The following PRH1 variants were observed in gnomAD, a reference collection of about 807,000 sequenced individuals.
PRH1 encodes the protein proline rich protein HaeIII subfamily 1, also known as salivary acidic proline-rich phosphoprotein 1/2.
A neutral mutation model predicts 7.9 loss-of-function variants in PRH1; 7 were observed. The observed-to-expected ratio is 0.89, with a 90% CI of 0.50 to 1.67. The LOEUF is 1.67. Ranked by LOEUF, PRH1 falls within the 40% of genes most tolerant of loss-of-function variation. PRH1 has a pLI of 0.00. For missense variants in PRH1, 109 were observed against 223.6 expected (o/e 0.49, Z 3.27); for synonymous variants, 45 against 80.8 (o/e 0.56, Z 2.38).
intron 1 of PRH1, among the ~76,000 whole-genome samples, chr12:11,154,075 A>C (rs1208177055): frequency 2.0e-5 from 3 of 152,234 alleles, no homozygotes; most frequent in Non-Finnish European, 4.4e-5. Context: ...TATAGTATTC[A>C]ACATACTCAA....
upstream of PRH1, among the ~76,000 whole-genome samples, chr12:10,886,264 G>T (rs1204597467): frequency 6.6e-6 from 1 of 152,194 alleles, no homozygotes; most frequent in East Asian, 1.9e-4. Flanking sequence ...TGTCAAAAAG[G>T]AAGGTCAGAG....
At chr12:11,059,029 C>T (rs1275571648) in intron 1 of PRH1, among the ~76,000 whole-genome samples, 1 of 152,202 alleles carries the variant, frequency 6.6e-6, no homozygotes, top group Non-Finnish European at 1.5e-5. Flanking sequence ...TGAGGTCTGA[C>T]TTTCACAACC....
At chr12:10,950,853 GA>G (rs35176868) in intron 2 of PRH1, among the ~76,000 whole-genome samples, 4 of 146,518 alleles carry the variant, frequency 2.7e-5, no homozygotes, top group South Asian at 2.2e-4. Context: ...TACTAGTTTG[GA>G]AAAAAAAAAG....
At chr12:11,027,828 A>G (rs994902618) in intron 1 of PRH1, among the ~76,000 whole-genome samples, 1 of 152,218 alleles carries the variant, frequency 6.6e-6, no homozygotes, top group African/African-American at 2.4e-5. Context: ...GTGTAAGACC[A>G]TTCTCTCTTC....
At chr12:10,921,926 C>T (rs765525180) in intron 2 of PRH1, among the ~76,000 whole-genome samples, 2 of 151,926 alleles carry the variant, frequency 1.3e-5, no homozygotes, top group Non-Finnish European at 2.9e-5. Flanking sequence ...ACCACCATAC[C>T]CGGCTAATTT....
intron 1 of PRH1, among the ~76,000 whole-genome samples, chr12:11,015,699 A>G (rs2136052301): frequency 6.6e-6 from 1 of 152,240 alleles, no homozygotes; most frequent in South Asian, 2.1e-4. Flanking sequence ...CACAGTCTCA[A>G]TCCTTCACTT....
intron 1 of PRH1, among the ~76,000 whole-genome samples, chr12:11,003,039 G>A (rs1276273564): frequency 5.9e-5 from 9 of 151,880 alleles, no homozygotes; most frequent in Admixed American, 5.9e-4. Context: ...CAAGAAAAAA[G>A]TCTATTGCAA....
upstream of PRH1, among the ~76,000 whole-genome samples, chr12:11,051,259 T>C (rs1293899090): frequency 6.6e-6 from 1 of 152,158 alleles, no homozygotes; most frequent in Non-Finnish European, 1.5e-5. Flanking sequence ...CTGAAAAATC[T>C]GGGGTTGGCA....
intron 2 of PRH1, among the ~76,000 whole-genome samples, chr12:10,952,058 A>G (rs1043327468): frequency 6.6e-6 from 1 of 152,216 alleles, no homozygotes; most frequent in Non-Finnish European, 1.5e-5. Flanking sequence ...CTCTTTGGAT[A>G]GTCTTTATGA....
intron 2 of PRH1, among the ~76,000 whole-genome samples, chr12:10,932,045 C>T (rs1487754837): frequency 3.9e-5 from 6 of 152,128 alleles, no homozygotes; most frequent in Non-Finnish European, 8.8e-5. Flanking sequence ...CAGTTTAAAG[C>T]ACATTACGTG....
rs140400917 is a variant in PRH1, at chr12:10,939,044, C to T, written c.-59+34611G>A. 347 of 1,613,742 alleles carry T rather than the reference C, an allele frequency of 2.2e-4. No homozygotes were observed. The highest frequency in any genetic ancestry group is 2.4e-4 in the Non-Finnish European group (285 of 1,179,946). ...GAATATTAACCAAACCAGGCTAATT[C>T]GAGAGATTGCCAAAGCAGTGAGGAT... On this transcript the variant is annotated intron_variant, in intron 2 of 3. Transcript: ENST00000539853.
intron 2 of PRH1, among the ~76,000 whole-genome samples, chr12:10,956,561 C>T (rs1035223273): frequency 1.3e-5 from 2 of 152,088 alleles, no homozygotes; most frequent in Middle Eastern, 3.4e-3. Flanking sequence ...TACTGGAAGT[C>T]CTGGTCAAAG....
intron 1 of PRH1, among the ~76,000 whole-genome samples, chr12:11,040,521 C>T (rs1035562307): frequency 6.6e-6 from 1 of 152,154 alleles, no homozygotes; most frequent in African/African-American, 2.4e-5. Context: ...ACAGTGAGAA[C>T]ACACAGACAC....
At chr12:11,098,530 G>A (rs996453034) in intron 1 of PRH1, among the ~76,000 whole-genome samples, 4 of 152,114 alleles carry the variant, frequency 2.6e-5, no homozygotes, top group Non-Finnish European at 4.4e-5. Flanking sequence ...TTTTCTTTGT[G>A]TAACCTCTCC....
intron 1 of PRH1, among the ~76,000 whole-genome samples, chr12:10,975,155 A>G (rs1939024209): frequency 6.6e-6 from 1 of 152,206 alleles, no homozygotes; most frequent in Non-Finnish European, 1.5e-5. Context: ...AAAAAATGCT[A>G]AAGTCAACTG....
intron 1 of PRH1, among the ~76,000 whole-genome samples, chr12:11,054,379 T>C (rs2136160199): frequency 6.6e-6 from 1 of 152,332 alleles, no homozygotes; most frequent in East Asian, 1.9e-4. Context: ...TTTAATAGCA[T>C]TATTAACAAG....
chr12:10,936,216 G>A (rs1449084226), intron 2 of PRH1, among the ~76,000 whole-genome samples: 2 of 150,822 alleles, frequency 1.3e-5, no homozygotes. Context: ...AGACAAACCA[G>A]TAAGGTAGAT....
chr12:11,100,366 G>A (rs1010770142), intron 1 of PRH1, among the ~76,000 whole-genome samples: 1 of 152,140 alleles, frequency 6.6e-6, no homozygotes, highest in African/African-American at 2.4e-5. Context: ...GCATCCTCCT[G>A]CAACTTGGAA....
chr12:10,980,611 C>T (rs1030290099), intron 1 of PRH1, among the ~76,000 whole-genome samples: 1 of 152,066 alleles, frequency 6.6e-6, no homozygotes, highest in Non-Finnish European at 1.5e-5. Flanking sequence ...CCTTATTCCT[C>T]TCTATTGAAC....
Sources: allele counts gnomAD v4.1 joint callset (sites outside exome capture counted in the v4.1 genomes callset), GRCh38; gene constraint gnomAD v4.1.1; transcripts MANE v1.5; gene names NCBI Gene and HGNC (gene_info 2026-07-23, HGNC 2026-07-21).